WDFY4: variants seen among roughly 807,000 people sequenced by gnomAD.
WDFY4 encodes WD repeat- and FYVE domain-containing protein 4.
Under a neutral mutation model 351.9 loss-of-function variants are expected in WDFY4, and 169 were observed. The ratio of observed to expected loss-of-function variants is 0.48; its 90% CI spans 0.42 to 0.55. The LOEUF is 0.55. Among genes scored for constraint, WDFY4 ranks in the 20% least tolerant of loss-of-function variants. The pLI, the probability that WDFY4 is intolerant of heterozygous loss-of-function variation, is 0.00. For synonymous variants in WDFY4, 1,622 were observed against 1,574.6 expected, an observed-to-expected ratio of 1.03 and a Z score of -0.71; for missense variants, 3,803 against 3,935.6, an observed-to-expected ratio of 0.97 and a Z score of 0.90.
Position 48,970,219 on chromosome 10 carries a change from C to G in WDFY4, c.8858C>G (p.Thr2953Ser). ...PSPTTIVTSG[T>S]STVVCVWELS... ...CCAACAACGATTGTCACCTCTGGGA[C>G]CAGCACTGTGGTGTGTGTGTGGGAG... is the stretch of plus-strand genomic sequence containing the variant. Residue 2953 changes from threonine to serine, a missense_variant, in exon 57 of 62, where the codon ACC (threonine) becomes AGC (serine). Physicochemically the swap from Thr to Ser is moderately conservative, Grantham distance 58. Transcript: ENST00000325239. 6.4e-7 allele frequency: 1 copy of G among 1,551,732 alleles called. No homozygotes were observed. Among genetic ancestry groups the G allele is most frequent in the Non-Finnish European group, 8.7e-7 (1 of 1,147,000 alleles).
intron 14 of WDFY4, 87 bp downstream of exon 14, chr10:48,774,759 C>T: frequency 1.4e-6 from 2 of 1,459,832 alleles, no homozygotes; most frequent in South Asian, 1.2e-5. Context: ...AGTGGAGAGA[C>T]TGCAGGGACA....
At chr10:48,732,933 T>C (rs1191495795) in intron 9 of WDFY4, among the ~76,000 whole-genome samples, 1 of 152,250 alleles carries the variant, frequency 6.6e-6, no homozygotes, top group Non-Finnish European at 1.5e-5. Context: ...TTTTTGTGTC[T>C]GGGCCTCTGG....
At chr10:48,799,005 T>A (rs1385048646) in intron 24 of WDFY4, among the ~76,000 whole-genome samples, 1 of 152,100 alleles carries the variant, frequency 6.6e-6, no homozygotes, top group Non-Finnish European at 1.5e-5. Flanking sequence ...AATAAGATAA[T>A]GTGTCTTGAC....
At chr10:48,911,006 G>GC in intron 47 of WDFY4, 1 of 639,434 alleles carries the variant, frequency 1.6e-6, no homozygotes, top group Non-Finnish European at 1.9e-6. Flanking sequence ...GAAATGGAAA[G>GC]TCATCATGTA....
In WDFY4 at chr10:48,924,014, G is replaced by T. The variant is rs142326752; in HGVS notation, c.7587-17792G>T. ...TGAATGGTGATGAGGAAGCAGCACG[G>T]AGCTGGCTACAGAGAACTCCTCCGT... On this transcript the variant is annotated intron_variant, in intron 47 of 61. Transcript: ENST00000325239. 3.9e-3 allele frequency among the ~76,000 whole-genome samples: 592 copies of T among 152,336 alleles called. 8 individuals carry two copies. The highest frequency in any genetic ancestry group is 0.014 in the African/African-American group (569 of 41,584).
intron 1 of WDFY4, among the ~76,000 whole-genome samples, chr10:48,700,841 T>A (rs1473201108): frequency 3.3e-5 from 5 of 152,234 alleles, no homozygotes; most frequent in African/African-American, 1.2e-4. Context: ...ACTGGATGAA[T>A]TATTTTCTCT....
intron 48 of WDFY4, among the ~76,000 whole-genome samples, chr10:48,942,692 G>C (rs1224000636): frequency 6.6e-6 from 1 of 152,232 alleles, no homozygotes; most frequent in Non-Finnish European, 1.5e-5. Flanking sequence ...TTGAGGAAAG[G>C]AGAGCCCCTG....
intron 2 of WDFY4, among the ~76,000 whole-genome samples, chr10:48,717,724 A>T (rs982483872): frequency 1.3e-5 from 2 of 152,226 alleles, no homozygotes; most frequent in African/African-American, 4.8e-5. Flanking sequence ...ATCCATGTTG[A>T]TGCATCTAGC....
Position 48,756,293 on chromosome 10 carries a change from A to G in WDFY4, c.2460-4054A>G, listed in dbSNP as rs1298159365. ...TTGAACACACTTCCAAAGGGTATTT[A>G]AAATTTTTTGGTTTCTAATTTTTCA... On this transcript the variant is annotated intron_variant, in intron 12 of 61. Coordinates refer to ENST00000325239, the MANE Select transcript of WDFY4 (RefSeq NM_001394531.1). Among the ~76,000 whole-genome samples, 4 of 152,038 alleles carry G rather than the reference A, an allele frequency of 2.6e-5. No homozygotes were observed. In the South Asian group the frequency reaches 6.2e-4, roughly 24 times the overall value.
intron 39 of WDFY4, among the ~76,000 whole-genome samples, chr10:48,860,024 G>T (rs1411973661): frequency 6.6e-6 from 1 of 152,196 alleles, no homozygotes; most frequent in Non-Finnish European, 1.5e-5. Context: ...TGCCTGCCAG[G>T]TCAGTAGAAA....
At chr10:48,777,639 A>G (rs2066077651) in intron 17 of WDFY4, 144 bp downstream of exon 17, 1 of 808,600 alleles carries the variant, frequency 1.2e-6, no homozygotes, top group Non-Finnish European at 2.0e-6. Context: ...TAATACTGCA[A>G]TTTGGGAGGC....
chr10:48,715,231 C>T (rs909021478), intron 2 of WDFY4, among the ~76,000 whole-genome samples: 2 of 152,208 alleles, frequency 1.3e-5, no homozygotes, highest in Non-Finnish European at 1.5e-5. Flanking sequence ...GAATGGAGCA[C>T]AGAAAAGGTG....
intron 27 of WDFY4, among the ~76,000 whole-genome samples, chr10:48,806,550 C>A (rs976945376): frequency 4.6e-5 from 7 of 152,230 alleles, no homozygotes; most frequent in African/African-American, 1.7e-4. Context: ...GTCCCCAGTC[C>A]CACCAAACCA....
chr10:48,907,503 T>C (rs900092032), intron 47 of WDFY4, among the ~76,000 whole-genome samples: 10 of 152,198 alleles, frequency 6.6e-5, no homozygotes, highest in Non-Finnish European at 7.3e-5. Context: ...GATTTACAGT[T>C]GAACATTTTC....
chr10:48,805,238 G>C lies in WDFY4; in HGVS notation c.4485-22G>C, dbSNP rs77075591. The C allele has an allele frequency of 1.1e-3, 1,737 of 1,534,638 alleles. 19 individuals are homozygous for C. In the African/African-American group the frequency reaches 0.021, roughly 18 times the overall value. ...GTTCATTCCAGTAAAAGCTTTTACT[G>C]TCTCTCTCCTGTACTCACCAGGGAA... On this transcript the variant is annotated intron_variant, in intron 25 of 61. Transcript: ENST00000325239.
chr10:48,956,052 C>G (rs959951638), intron 51 of WDFY4, among the ~76,000 whole-genome samples: 9 of 152,230 alleles, frequency 5.9e-5, no homozygotes, highest in African/African-American at 2.2e-4. Flanking sequence ...CCCTCCACCC[C>G]CAGCACCTTC....
At chr10:48,835,721 A>G (rs3860189) in intron 39 of WDFY4, among the ~76,000 whole-genome samples, 67,069 of 152,076 alleles carry the variant, frequency 0.44, 15,694 homozygotes, top group East Asian at 0.83. Flanking sequence ...ATACAAATGC[A>G]TACATACATA....
chr10:48,739,014 G>A (rs1190416101), intron 11 of WDFY4, among the ~76,000 whole-genome samples: 1 of 152,238 alleles, frequency 6.6e-6, no homozygotes, highest in Non-Finnish European at 1.5e-5. Context: ...TGATAACTGA[G>A]TTAAAGAATA....
chr10:48,792,418 C>A (rs10857645), intron 23 of WDFY4, among the ~76,000 whole-genome samples: 7,600 of 152,274 alleles, frequency 0.05, 240 homozygotes, highest in Middle Eastern at 0.082. Flanking sequence ...TTACTCTTTG[C>A]TGGTGTATTA....
Sources: allele counts gnomAD v4.1 joint callset (sites outside exome capture counted in the v4.1 genomes callset), GRCh38; gene constraint gnomAD v4.1.1; transcripts MANE v1.5; gene names NCBI Gene and HGNC (gene_info 2026-07-23, HGNC 2026-07-21).